Variants in KAT2B observed in about 807,000 individuals in gnomAD.
KAT2B encodes the protein histone acetyltransferase KAT2B.
Under a neutral mutation model 105.9 loss-of-function variants are expected in KAT2B, and 36 were observed. The observed-to-expected ratio is 0.34, with a 90% CI of 0.26 to 0.45. The LOEUF (loss-of-function observed/expected upper bound fraction) is 0.45, where lower values mean the gene tolerates loss of function less well. KAT2B is among the 20% of genes least tolerant of loss of function. The pLI, the probability that KAT2B is intolerant of heterozygous loss-of-function variation, is 1.00. For missense variants in KAT2B, 820 were observed against 1,021.6 expected, an observed-to-expected ratio of 0.80 and a Z score of 2.69; for synonymous variants, 397 against 377.9, an observed-to-expected ratio of 1.05 and a Z score of -0.59.
chr3:20,127,578 A>C (rs371998239), intron 11 of KAT2B, 29 bp downstream of exon 11: 1 of 1,608,022 alleles, frequency 6.2e-7, no homozygotes, highest in African/African-American at 1.3e-5. Flanking sequence ...TCTTAGAAGA[A>C]GAGCAGAATG....
chr3:20,056,342 G>A (rs1698003426), intron 1 of KAT2B, among the ~76,000 whole-genome samples: 1 of 152,198 alleles, frequency 6.6e-6, no homozygotes, highest in African/African-American at 2.4e-5. Flanking sequence ...CTGAGCAACT[G>A]AATGGATGGT....
At chr3:20,074,422 A>G (rs756361258) in intron 2 of KAT2B, among the ~76,000 whole-genome samples, 4 of 152,282 alleles carry the variant, frequency 2.6e-5, no homozygotes, top group South Asian at 2.1e-4. Flanking sequence ...CAGTTTTTTC[A>G]ACTCTGAAAT....
At chr3:20,117,332 A>G (rs543450431) in intron 7 of KAT2B, among the ~76,000 whole-genome samples, 2 of 152,284 alleles carry the variant, frequency 1.3e-5, no homozygotes, top group Middle Eastern at 3.4e-3. Context: ...TGTAATTGCA[A>G]TGTGTTCTCT....
At chr3:20,084,248 A>G (rs1464065527) in intron 2 of KAT2B, among the ~76,000 whole-genome samples, 2 of 152,314 alleles carry the variant, frequency 1.3e-5, no homozygotes, top group Admixed American at 1.3e-4. Context: ...ACCCTTCTCC[A>G]GCAGACTGTC....
At chr3:20,117,920 CAG>C (rs1376388138) in intron 7 of KAT2B, among the ~76,000 whole-genome samples, 1 of 151,982 alleles carries the variant, frequency 6.6e-6, no homozygotes, top group Admixed American at 6.6e-5. Context: ...GTCAAACTCA[CAG>C]AGTTACAAGA....
intron 1 of KAT2B, among the ~76,000 whole-genome samples, chr3:20,054,263 G>A (rs1329041086): frequency 6.6e-6 from 1 of 151,696 alleles, no homozygotes; most frequent in Admixed American, 6.6e-5. Context: ...TGAGTAGCTG[G>A]GATTACAGGG....
intron 17 of KAT2B, 150 bp from the exon 18 acceptor site, chr3:20,152,182 C>T: frequency 1.8e-6 from 1 of 542,868 alleles, no homozygotes. Flanking sequence ...GAACTGTTTT[C>T]CTTGGTCATA....
chr3:20,119,601 T>C lies in KAT2B; in HGVS notation c.1154T>C (p.Ile385Thr), dbSNP rs1171508810. The C allele has an allele frequency of 1.9e-6, 3 of 1,613,942 alleles. No homozygotes were observed. The highest frequency in any genetic ancestry group is 2.7e-5 in the African/African-American group (2 of 74,936). Residue 385 changes from isoleucine to threonine, a missense_variant, in exon 8 of 18, where the codon ATC becomes ACC. Coordinates refer to ENST00000263754, the MANE Select transcript of KAT2B (RefSeq NM_003884.5). ...RTSQLGIQTV[I>T]NPPPVAGTIS... Reference sequence around the variant, plus strand: ...TCTTCTCCTTTTGCCGGGGCAGTTATCAATCCACCTCCTGTGGCTGGGACA... The same window carrying C: ...TCTTCTCCTTTTGCCGGGGCAGTTACCAATCCACCTCCTGTGGCTGGGACA...
At chr3:20,047,080 C>G (rs535433805) in intron 1 of KAT2B, among the ~76,000 whole-genome samples, 4 of 151,864 alleles carry the variant, frequency 2.6e-5, no homozygotes, top group African/African-American at 4.8e-5. Flanking sequence ...TTTGCCCCCC[C>G]CTTTTTTTTT....
intron 9 of KAT2B, among the ~76,000 whole-genome samples, 199 bp from the exon 10 acceptor site, chr3:20,125,706 C>G (rs1699389811): frequency 6.6e-6 from 1 of 152,128 alleles, no homozygotes; most frequent in African/African-American, 2.4e-5. Flanking sequence ...AATGCTTTAC[C>G]TGCCTTTTCT....
chr3:20,065,250 C>T (rs751075067), intron 1 of KAT2B, among the ~76,000 whole-genome samples: 6 of 152,108 alleles, frequency 3.9e-5, no homozygotes, highest in Non-Finnish European at 7.4e-5. Context: ...GGTAGCTTTC[C>T]CCTCCCTGTG....
intron 13 of KAT2B, among the ~76,000 whole-genome samples, chr3:20,146,059 CTG>C (rs958275749): frequency 5.3e-5 from 8 of 152,168 alleles, no homozygotes; most frequent in African/African-American, 1.9e-4. Context: ...GCCCTAGGGG[CTG>C]TGTGTTTTCT....
intron 1 of KAT2B, among the ~76,000 whole-genome samples, chr3:20,059,695 A>G (rs1211522912): frequency 6.6e-6 from 1 of 152,144 alleles, no homozygotes; most frequent in Admixed American, 6.5e-5. Flanking sequence ...ACTGAGCGAG[A>G]CTCCATCTCA....
intron 1 of KAT2B, among the ~76,000 whole-genome samples, chr3:20,068,538 T>C (rs2125178450): frequency 6.6e-6 from 1 of 152,038 alleles, no homozygotes; most frequent in East Asian, 1.9e-4. Context: ...CTCATCCTTT[T>C]TTCTTTCTTT....
rs200915849 is a variant in KAT2B, at chr3:20,152,542, C to T, written c.*17C>T. ...GACAAGTGATTTTTTTTCCCCTCTGCTTCTTAGAAACTCACCAAGCAGTGT... is the reference window on the plus strand; with the variant it reads ...GACAAGTGATTTTTTTTCCCCTCTGTTTCTTAGAAACTCACCAAGCAGTGT... On this transcript the variant is annotated 3_prime_UTR_variant, in exon 18 of 18. Coordinates refer to ENST00000263754, the MANE Select transcript of KAT2B (RefSeq NM_003884.5). The T allele has an allele frequency of 1.2e-6, 2 of 1,602,306 alleles. No individual in the cohort carries two copies. Among genetic ancestry groups the T allele is most frequent in the East Asian group, 2.2e-5 (1 of 44,754 alleles).
In KAT2B at chr3:20,152,410, T is replaced by C; in HGVS notation, c.2384T>C (p.Val795Ala). 6.2e-7 allele frequency: 1 copy of C among 1,613,326 alleles called. No individual in the cohort carries two copies. Among genetic ancestry groups the C allele is most frequent in the Non-Finnish European group, 8.5e-7 (1 of 1,179,496 alleles). Reference sequence around the variant, plus strand: ...TTATTCATGGCAGACTTACAGCGAGTCTTTACCAATTGCAAAGAGTACAAC... The same window carrying C: ...TTATTCATGGCAGACTTACAGCGAGCCTTTACCAATTGCAAAGAGTACAAC... ...KKLFMADLQR[V>A]FTNCKEYNPP... Residue 795 changes from valine to alanine, a missense_variant, in exon 18 of 18, where the codon GTC becomes GCC. This residue lies in a region of KAT2B where 227 missense variants were observed against 292.9 expected (regional missense o/e 0.77). Transcript: ENST00000263754.
chr3:20,092,573 T>C lies in KAT2B; in HGVS notation c.431-2690T>C, dbSNP rs79997344. On this transcript the variant is annotated intron_variant, in intron 2 of 17. Coordinates refer to ENST00000263754, the MANE Select transcript of KAT2B (RefSeq NM_003884.5). Reference sequence around the variant, plus strand: ...CTTTATATTATATTATATATATATTTTATATATTTACAGCAAACATTAGGT... The same window carrying C: ...CTTTATATTATATTATATATATATTCTATATATTTACAGCAAACATTAGGT... Among the ~76,000 whole-genome samples, 1,146 of 151,340 alleles carry C rather than the reference T, an allele frequency of 7.6e-3. 17 individuals are homozygous for C. Among genetic ancestry groups the C allele is most frequent in the African/African-American group, 0.026 (1,074 of 41,310 alleles).
intron 3 of KAT2B, 144 bp downstream of exon 3, chr3:20,095,552 T>G (rs1323558649): frequency 1.7e-6 from 1 of 575,798 alleles, no homozygotes; most frequent in East Asian, 2.8e-5. Context: ...TCTTCATGAC[T>G]GATTCTCTAA....
At position 20,135,661 on chromosome 3, in the gene KAT2B, A is replaced by T. The variant is rs377063846; in HGVS notation, c.1750-1281A>T. Among the ~76,000 whole-genome samples the T allele has an allele frequency of 1.6e-4, 25 of 152,224 alleles. 1 individual carries two copies. The highest frequency in any genetic ancestry group is 5.5e-4 in the African/African-American group (23 of 41,536). ...AGAGCAAGACTCCATCTCAAAAAAA[A>T]AAAAATAAAAACCAAAGTGATTAGT... is the stretch of plus-strand genomic sequence containing the variant. On this transcript the variant is annotated intron_variant, in intron 11 of 17. Coordinates refer to ENST00000263754, the MANE Select transcript of KAT2B (RefSeq NM_003884.5).
Sources: gnomAD v4.1 joint callset for allele counts (sites outside exome capture counted in the v4.1 genomes callset) on GRCh38, gnomAD v4.1.1 for gene constraint, gnomAD v4.1.1 regional missense constraint, MANE v1.5 for transcripts, NCBI Gene and HGNC (gene_info 2026-07-23, HGNC 2026-07-21) for gene names.